Variants in GDAP1 observed in about 807,000 individuals in gnomAD.
GDAP1 encodes the protein ganglioside-induced differentiation-associated protein 1.
GDAP1 carries 34 observed loss-of-function variants against 40.1 expected under a neutral mutation model. That is an observed-to-expected ratio of 0.85 (90% CI 0.64 to 1.13). The LOEUF is 1.13. Among genes scored for constraint, GDAP1 ranks in the 50% most tolerant of loss-of-function variants. GDAP1 has a pLI of 0.00. For missense variants in GDAP1, 374 were observed against 433.7 expected, an observed-to-expected ratio of 0.86 and a Z score of 1.22; for synonymous variants, 170 against 157.4, an observed-to-expected ratio of 1.08 and a Z score of -0.60.
At chr8:74,350,631 G>A in intron 1 of GDAP1, 53 bp downstream of exon 1, 1 of 1,113,016 alleles carries the variant, frequency 9.0e-7, no homozygotes, top group East Asian at 2.3e-5. Flanking sequence ...TCAGCACTGG[G>A]ACAGCTCCTT....
In GDAP1 at chr8:74,363,945, G is replaced by A. The variant is rs755428775; in HGVS notation, c.695-40G>A. 3 of 1,598,220 alleles carry A rather than the reference G, an allele frequency of 1.9e-6. No homozygotes were observed. In the Admixed American group the frequency reaches 5.0e-5, roughly 27 times the overall value. ...ATACCAGCTGGAGTCTGTCTGTAGA[G>A]TGCTTGCCTCTAATTCTCTATGTCC... On this transcript the variant is annotated intron_variant, in intron 5 of 5. Coordinates refer to ENST00000220822, the MANE Select transcript of GDAP1 (RefSeq NM_018972.4).
chr8:74,391,229 A>C (rs573489533), intron 2 of GDAP1, among the ~76,000 whole-genome samples: 69 of 146,444 alleles, frequency 4.7e-4, no homozygotes, highest in African/African-American at 1.7e-3. Context: ...TGGGGTATGA[A>C]AAAAAAAACT....
At chr8:74,470,290 A>G (rs1247437087) in intron 2 of GDAP1, among the ~76,000 whole-genome samples, 3 of 152,182 alleles carry the variant, frequency 2.0e-5, no homozygotes, top group Non-Finnish European at 2.9e-5. Flanking sequence ...TTTAGGATAC[A>G]TGTGCACAAC....
At chr8:74,424,205 A>C (rs1031536731) in intron 2 of GDAP1, among the ~76,000 whole-genome samples, 5 of 152,168 alleles carry the variant, frequency 3.3e-5, no homozygotes, top group Non-Finnish European at 5.9e-5. Context: ...TGATATATAA[A>C]TAATTGTTAT....
At chr8:74,478,794 G>C (rs564646942) in intron 2 of GDAP1, among the ~76,000 whole-genome samples, 3 of 152,314 alleles carry the variant, frequency 2.0e-5, no homozygotes, top group South Asian at 4.1e-4. Context: ...TCAAGTGTGT[G>C]TGGTGGCTAA....
chr8:74,448,233 A>T (rs983341337), intron 2 of GDAP1, among the ~76,000 whole-genome samples: 8 of 130,950 alleles, frequency 6.1e-5, no homozygotes, highest in Non-Finnish European at 1.1e-4. Context: ...TATGAATTTC[A>T]CTAAACAGAT....
chr8:74,467,757 A>G (rs35586945), intron 2 of GDAP1, among the ~76,000 whole-genome samples: 61,956 of 151,996 alleles, frequency 0.41, 12,879 homozygotes, highest in East Asian at 0.47. Flanking sequence ...AAGGAACTGT[A>G]GAACCCGGGG....
In GDAP1 at chr8:74,360,171, C is replaced by T; in HGVS notation, c.345C>T (p.Ser115=). 6.2e-7 allele frequency: 1 copy of T among 1,613,298 alleles called. No homozygotes were observed. Among genetic ancestry groups the T allele is most frequent in the Non-Finnish European group, 8.5e-7 (1 of 1,179,248 alleles). Residue 115 remains serine, a synonymous_variant, in exon 3 of 6, where the codon AGC becomes AGT. Coordinates refer to ENST00000220822, the MANE Select transcript of GDAP1 (RefSeq NM_018972.4). ...CCAGGTTAATGCCTGATAAAGAAAG[C>T]ATGTATTACCCACGGGTACAACATT... ...RTPRLMPDKE[S]MYYPRVQHYR... is the part of the protein sequence containing the mutation.
intron 2 of GDAP1, among the ~76,000 whole-genome samples, chr8:74,442,413 G>C (rs112267522): frequency 7.2e-5 from 11 of 152,116 alleles, no homozygotes; most frequent in South Asian, 6.2e-4. Context: ...TTGAACTTCC[G>C]ACACTTTTTT....
chr8:74,386,647 G>C (rs1464582153), intron 2 of GDAP1, among the ~76,000 whole-genome samples: 2 of 152,056 alleles, frequency 1.3e-5, no homozygotes, highest in Non-Finnish European at 2.9e-5. Flanking sequence ...GCTTTTGCTT[G>C]TGATTGTCTT....
In GDAP1 at chr8:74,427,205, C is replaced by T. The variant is rs539971901; in HGVS notation, c.166-61473C>T. On this transcript the variant is annotated intron_variant, in intron 2 of 2. Transcript: ENST00000523640. ...TGATCCAGCTGACAGCCAGAATCAA[C>T]TTCCAGATGGGTGAACGAGGCCGTG... Among the ~76,000 whole-genome samples, 82 of 152,308 alleles carry T rather than the reference C, an allele frequency of 5.4e-4. 2 individuals carry two copies. Among genetic ancestry groups the T allele is most frequent in the Non-Finnish European group, 8.4e-4 (57 of 68,036 alleles).
At chr8:74,488,866 GCCTTTCTCC>G (rs1806808384) in exon 3 of GDAP1, 1 of 152,240 alleles carries the variant, frequency 6.6e-6, no homozygotes, top group African/African-American at 2.4e-5. Flanking sequence ...TAGGTTTGGA[GCCTTTCTCC>G]CCTTCTTGCT....
chr8:74,350,721 C>G, intron 1 of GDAP1, 143 bp downstream of exon 1: 1 of 714,950 alleles, frequency 1.4e-6, no homozygotes, highest in South Asian at 1.5e-5. Flanking sequence ...TCCCTCCAGG[C>G]GGGGACGCGC....
At chr8:74,432,923 A>G (rs1806045171) in intron 2 of GDAP1, among the ~76,000 whole-genome samples, 1 of 152,146 alleles carries the variant, frequency 6.6e-6, no homozygotes, top group African/African-American at 2.4e-5. Context: ...TATTACTATT[A>G]TGTATAAAGC....
At chr8:74,415,855 G>A (rs958676406) in intron 2 of GDAP1, among the ~76,000 whole-genome samples, 4 of 149,608 alleles carry the variant, frequency 2.7e-5, no homozygotes, top group African/African-American at 7.7e-5. Context: ...CTGGCCAAGG[G>A]GGACTGTGAG....
downstream of GDAP1, among the ~76,000 whole-genome samples, chr8:74,371,023 C>T (rs1300778923): frequency 6.6e-6 from 1 of 152,168 alleles, no homozygotes; most frequent in Admixed American, 6.5e-5. Flanking sequence ...TCACTATTCT[C>T]TCAGTAATGA....
chr8:74,449,701 G>T (rs911795919), intron 2 of GDAP1, among the ~76,000 whole-genome samples: 3 of 151,632 alleles, frequency 2.0e-5, no homozygotes, highest in African/African-American at 4.8e-5. Context: ...CACTGTTTTT[G>T]TATTTTTATG....
rs548640072 is a variant in GDAP1, at chr8:74,404,153, T to C, written c.165+52832T>C. Reference sequence around the variant, plus strand: ...TATGTTAAGTGATACCTGCATACTCTCATTTGATTGCTAAGTGAGAATTAT... The same window carrying C: ...TATGTTAAGTGATACCTGCATACTCCCATTTGATTGCTAAGTGAGAATTAT... On this transcript the variant is annotated intron_variant, in intron 2 of 2. Transcript: ENST00000523640. Among the ~76,000 whole-genome samples the C allele has an allele frequency of 2.7e-5, 4 of 150,018 alleles. No homozygotes were observed. The South Asian group carries it at 8.3e-4, about 31-fold the overall frequency.
chr8:74,409,810 C>T (rs1222380396), intron 2 of GDAP1, among the ~76,000 whole-genome samples: 1 of 150,050 alleles, frequency 6.7e-6, no homozygotes, highest in Non-Finnish European at 1.5e-5. Context: ...ACCTCCTCTT[C>T]CTTACCCTTC....
Sources: gnomAD v4.1 joint callset for allele counts (sites outside exome capture counted in the v4.1 genomes callset) on GRCh38, gnomAD v4.1.1 for gene constraint, MANE v1.5 for transcripts, NCBI Gene and HGNC (gene_info 2026-07-23, HGNC 2026-07-21) for gene names.